The following ADIPOR2 variants were observed in gnomAD, a reference collection of about 807,000 sequenced individuals.
The protein encoded by ADIPOR2 is adiponectin receptor 2.
A neutral mutation model predicts 40.9 loss-of-function variants in ADIPOR2; 18 were observed. That is an observed-to-expected ratio of 0.44 (90% CI 0.30 to 0.65). ADIPOR2 has a LOEUF of 0.65. ADIPOR2 is among the 30% of genes least tolerant of loss of function. The pLI is 0.09. For missense variants in ADIPOR2, 283 were observed against 479.2 expected (o/e 0.59, Z 3.82); for synonymous variants, 165 against 166.4 (o/e 0.99, Z 0.06).
At chr12:1,749,764 C>T (rs1426157501) in intron 1 of ADIPOR2, among the ~76,000 whole-genome samples, 1 of 151,312 alleles carries the variant, frequency 6.6e-6, no homozygotes, top group Non-Finnish European at 1.5e-5. Context: ...ACAATTTGGA[C>T]AGAATTGACA....
intron 1 of ADIPOR2, among the ~76,000 whole-genome samples, chr12:1,750,307 C>T (rs1298829979): frequency 6.6e-6 from 1 of 151,568 alleles, no homozygotes; most frequent in African/African-American, 2.4e-5. Context: ...ACCTTTAATC[C>T]CAGCACTTTG....
At position 1,738,338 on chromosome 12, in the gene ADIPOR2, G is replaced by GT. The variant is rs1243443312; in HGVS notation, c.-86-15920_-86-15919insT. ...TGAGGCTGCAGTATGAGCTGTGATTGCACTACTGTGCCCAGCTTGGGTGAC... is the reference window on the plus strand; with the variant it reads ...TGAGGCTGCAGTATGAGCTGTGATTGTCACTACTGTGCCCAGCTTGGGTGAC... On this transcript the variant is annotated intron_variant, in intron 1 of 7. Transcript: ENST00000357103. Among the ~76,000 whole-genome samples the GT allele has an allele frequency of 3.4e-3, 512 of 152,190 alleles. 3 individuals are homozygous for GT. The highest frequency in any genetic ancestry group is 0.011 in the African/African-American group (470 of 41,514).
At position 1,699,724 on chromosome 12, in the gene ADIPOR2, A is replaced by G. The variant is rs1300862128; in HGVS notation, c.-87+8533A>G. On this transcript the variant is annotated intron_variant, in intron 1 of 7. Coordinates refer to ENST00000357103, the MANE Select transcript of ADIPOR2 (RefSeq NM_024551.3). Reference sequence around the variant, plus strand: ...TTGTCTCTCATCTTTCAACTCTAAGATAAGTTAAATAGGACGAACTGATAT... The same window carrying G: ...TTGTCTCTCATCTTTCAACTCTAAGGTAAGTTAAATAGGACGAACTGATAT... Among the ~76,000 whole-genome samples the G allele has an allele frequency of 3.3e-5, 5 of 152,250 alleles. No individual in the cohort carries two copies. In the East Asian group the frequency reaches 7.7e-4, roughly 23 times the overall value.
At chr12:1,761,318 A>G (rs1019073946) in intron 2 of ADIPOR2, among the ~76,000 whole-genome samples, 4 of 152,098 alleles carry the variant, frequency 2.6e-5, no homozygotes, top group South Asian at 2.1e-4. Flanking sequence ...TAATGTTGCT[A>G]TTATCATTCA....
chr12:1,707,922 A>G (rs60020103), intron 1 of ADIPOR2, among the ~76,000 whole-genome samples: 7,793 of 152,232 alleles, frequency 0.051, 652 homozygotes, highest in African/African-American at 0.18. Flanking sequence ...AGTTCTTTAT[A>G]TGTTGTGGAT....
chr12:1,742,655 T>C (rs2094745582), intron 1 of ADIPOR2, among the ~76,000 whole-genome samples: 1 of 152,234 alleles, frequency 6.6e-6, no homozygotes, highest in Admixed American at 6.5e-5. Flanking sequence ...CACATCTTCC[T>C]GTATATTGTA....
intron 1 of ADIPOR2, among the ~76,000 whole-genome samples, chr12:1,712,837 T>C (rs1271515149): frequency 3.9e-5 from 6 of 152,174 alleles, no homozygotes; most frequent in Non-Finnish European, 8.8e-5. Context: ...TATTCGTTTC[T>C]TGCTGAGGGC....
chr12:1,727,858 T>TAAA (rs570513526), intron 1 of ADIPOR2, among the ~76,000 whole-genome samples: 2,938 of 138,816 alleles, frequency 0.021, 47 homozygotes, highest in East Asian at 0.092. Context: ...GAACACTGTT[T>TAAA]AAAAAAAAAA....
At chr12:1,736,896 G>T (rs1452872880) in intron 1 of ADIPOR2, among the ~76,000 whole-genome samples, 1 of 152,162 alleles carries the variant, frequency 6.6e-6, no homozygotes, top group Non-Finnish European at 1.5e-5. Context: ...GGAGGAGGTT[G>T]TTCAGTTTCC....
chr12:1,693,390 T>C (rs1243002481), intron 1 of ADIPOR2, among the ~76,000 whole-genome samples: 2 of 152,024 alleles, frequency 1.3e-5, no homozygotes, highest in Non-Finnish European at 2.9e-5. Context: ...AGTCAGAAAA[T>C]TGTAAAGGAG....
At chr12:1,702,630 G>C (rs111586412) in intron 1 of ADIPOR2, among the ~76,000 whole-genome samples, 8 of 152,056 alleles carry the variant, frequency 5.3e-5, no homozygotes, top group African/African-American at 1.9e-4. Flanking sequence ...CCATTTGGGT[G>C]GTCTTTCTAA....
intron 1 of ADIPOR2, among the ~76,000 whole-genome samples, chr12:1,735,565 T>C (rs145537544): frequency 7.7e-4 from 117 of 152,322 alleles, no homozygotes; most frequent in African/African-American, 2.7e-3. Flanking sequence ...ACTTCTTCTT[T>C]TCCTAATTGA....
chr12:1,752,180 C>T lies in ADIPOR2; in HGVS notation c.-86-2078C>T, dbSNP rs1233531942. Among the ~76,000 whole-genome samples the T allele has an allele frequency of 6.6e-5, 10 of 150,562 alleles. 1 individual carries two copies. The highest frequency in any genetic ancestry group is 1.2e-4 in the African/African-American group (5 of 41,052). On this transcript the variant is annotated intron_variant, in intron 1 of 7. Coordinates refer to ENST00000357103, the MANE Select transcript of ADIPOR2 (RefSeq NM_024551.3). ...TTCTGACCTTGTGATCTGCCCGTCT[C>T]GGCCCCCCAAAGTGCTGGGATTACA...
chr12:1,750,174 G>A (rs567103147), intron 1 of ADIPOR2, among the ~76,000 whole-genome samples: 21 of 152,114 alleles, frequency 1.4e-4, no homozygotes, highest in Middle Eastern at 3.4e-3. Context: ...TTTGCTAAGC[G>A]TATACTTAAA....
chr12:1,730,178 C>A (rs1471050298), intron 1 of ADIPOR2, among the ~76,000 whole-genome samples: 1 of 151,414 alleles, frequency 6.6e-6, no homozygotes, highest in Admixed American at 6.6e-5. Flanking sequence ...TAGATATACC[C>A]CTTAGGACCT....
At chr12:1,750,260 A>G (rs530927184) in intron 1 of ADIPOR2, among the ~76,000 whole-genome samples, 3 of 152,142 alleles carry the variant, frequency 2.0e-5, no homozygotes, top group Non-Finnish European at 4.4e-5. Context: ...TTGTTAATAT[A>G]TAGAAAAGTA....
Position 1,780,980 on chromosome 12 carries a change from A to G in ADIPOR2, c.742A>G (p.Ile248Val), listed in dbSNP as rs1257149640. ...SFYCNPQPCF[I>V]YLIVICVLGI... ...CTACTGTAATCCACAACCTTGCTTC[A>G]TCTACTTGATTGTCATCTGTGTGCT... The change falls in exon 6 of 8, where the codon ATC becomes GTC. Residue 248 changes from isoleucine to valine, a missense_variant. By Grantham distance (29) the Ile-to-Val change is conservative. Transcript: ENST00000357103. 6.2e-7 allele frequency: 1 copy of G among 1,613,780 alleles called. No individual in the cohort carries two copies. The highest frequency in any genetic ancestry group is 8.5e-7 in the Non-Finnish European group (1 of 1,179,882).
intron 1 of ADIPOR2, among the ~76,000 whole-genome samples, chr12:1,708,900 A>G (rs2094669621): frequency 6.6e-6 from 1 of 151,888 alleles, no homozygotes; most frequent in Non-Finnish European, 1.5e-5. Context: ...TTGTATTTTT[A>G]GTAGAGATGG....
chr12:1,730,764 A>T (rs562865661), intron 1 of ADIPOR2: 15 of 152,314 alleles, frequency 9.8e-5, no homozygotes, highest in African/African-American at 3.6e-4. Context: ...TAGCACCTCT[A>T]CTAAGAGAAG....
Sources: gnomAD v4.1 joint callset for allele counts (sites outside exome capture counted in the v4.1 genomes callset) on GRCh38, gnomAD v4.1.1 for gene constraint, MANE v1.5 for transcripts, NCBI Gene and HGNC (gene_info 2026-07-23, HGNC 2026-07-21) for gene names.